SYTL5: variants seen among roughly 807,000 people sequenced by gnomAD.
SYTL5 encodes the protein synaptotagmin like 5.
In SYTL5, 34 loss-of-function variants were observed where a neutral mutation model predicts 55.9. That is an observed-to-expected ratio of 0.61 (90% CI 0.46 to 0.81). The LOEUF (loss-of-function observed/expected upper bound fraction) is 0.81. Among genes scored for constraint, SYTL5 ranks in the 30% least tolerant of loss-of-function variants. SYTL5 has a pLI of 0.00. For synonymous variants in SYTL5, 221 were observed against 188.7 expected, an observed-to-expected ratio of 1.17 and a Z score of -1.40; for missense variants, 637 against 546.7, an observed-to-expected ratio of 1.17 and a Z score of -1.65.
At chrX:38,073,495 T>C (rs890024027) in intron 4 of SYTL5, 95 bp from the exon 5 acceptor site, 2 of 626,392 alleles carry the variant, frequency 3.2e-6, no homozygotes, top group Admixed American at 3.4e-5. Flanking sequence ...TTCCTTGCCC[T>C]GAGCTAATCT....
At chrX:38,069,676 A>G (rs2147386453) in intron 3 of SYTL5, among the ~76,000 whole-genome samples, 1 of 112,214 alleles carries the variant, frequency 8.9e-6, no homozygotes, top group African/African-American at 3.2e-5. Context: ...CTTTGGGCCC[A>G]TGTGGATAAT....
chrX:38,026,680 C>T lies in SYTL5; in HGVS notation c.-356-6854C>T, dbSNP rs565913678. On this transcript the variant is annotated intron_variant, in intron 1 of 16. Coordinates refer to ENST00000297875, the MANE Select transcript of SYTL5 (RefSeq NM_138780.3). The stretch of plus-strand genomic sequence containing the variant: ...GGGTAACTTTCTAATGTTGCCATGG[C>T]ATCTGTAAACTGTCATGGCACTGGT... 1.0e-3 allele frequency among the ~76,000 whole-genome samples: 112 copies of T among 111,889 alleles called. 1 individual carries two copies. In the South Asian group the frequency reaches 0.038, roughly 38 times the overall value.
At chrX:37,910,426 C>T in the SYTL5 span, among the ~76,000 whole-genome samples, 1 of 112,426 alleles carries the variant, frequency 8.9e-6, no homozygotes, top group Admixed American at 9.4e-5. Flanking sequence ...ATATTTAGAG[C>T]CCCTGAAGGC....
chrX:37,894,153 C>T, the SYTL5 span, among the ~76,000 whole-genome samples: 1 of 111,564 alleles, frequency 9.0e-6, no homozygotes, highest in Admixed American at 9.6e-5. Context: ...TTACTGTGTA[C>T]GTATATTTAT....
the SYTL5 span, among the ~76,000 whole-genome samples, chrX:37,895,450 TTCCTTCCC>T: frequency 1.2e-4 from 11 of 94,483 alleles, no homozygotes; most frequent in South Asian, 4.8e-4. Context: ...CCTTCCTTCC[TTCCTTCCC>T]TCCCTCCCTC....
At chrX:38,043,552 AACC>A (rs1158186967) in intron 2 of SYTL5, among the ~76,000 whole-genome samples, 1 of 103,917 alleles carries the variant, frequency 9.6e-6, no homozygotes, top group East Asian at 3.0e-4. Context: ...AAAATTAGAT[AACC>A]ATATAATATG....
At chrX:37,982,923 A>T in the SYTL5 span, among the ~76,000 whole-genome samples, 1 of 111,549 alleles carries the variant, frequency 9.0e-6, no homozygotes, top group Admixed American at 9.5e-5. Flanking sequence ...GACCATAAAA[A>T]TGGGGAAATA....
At chrX:37,940,594 A>G in the SYTL5 span, among the ~76,000 whole-genome samples, 14 of 63,817 alleles carry the variant, frequency 2.2e-4, no homozygotes, top group East Asian at 8.3e-3. Context: ...AGTTAGGGAT[A>G]GGTGTGTATG....
intron 9 of SYTL5, among the ~76,000 whole-genome samples, chrX:38,097,473 A>G (rs113546224): frequency 9.0e-6 from 1 of 111,049 alleles, no homozygotes; most frequent in Admixed American, 9.6e-5. Flanking sequence ...CATGAAAAAT[A>G]TTTTTCAAAA....
Position 38,071,966 on chromosome X carries a change from T to G in SYTL5, c.330-81T>G, listed in dbSNP as rs1936276464. 4 of 647,019 alleles carry G rather than the reference T, an allele frequency of 6.2e-6. 1 individual carries two copies. The South Asian group carries it at 1.1e-4, about 17-fold the overall frequency. 53.3% of individuals were successfully genotyped at this position (647,019 alleles called of 1,213,427 possible). ...AAACTTTATAAATAATTTGCTGTTT[T>G]CAGTTTATTAGGGATTTTTGAGAGT... On this transcript the variant is annotated intron_variant, in intron 3 of 16. Coordinates refer to ENST00000297875, the MANE Select transcript of SYTL5 (RefSeq NM_138780.3).
chrX:37,967,020 A>T, the SYTL5 span, among the ~76,000 whole-genome samples: 1 of 111,386 alleles, frequency 9.0e-6, no homozygotes, highest in African/African-American at 3.3e-5. Context: ...TTTGAAGAAT[A>T]GTTTTGCTGT....
chrX:37,926,429 C>A, the SYTL5 span, among the ~76,000 whole-genome samples: 1 of 110,142 alleles, frequency 9.1e-6, no homozygotes, highest in African/African-American at 3.3e-5. Flanking sequence ...TTCACAAGAG[C>A]AGGGGCTTTG....
chrX:37,990,757 A>G, the SYTL5 span: 18 of 1,109,110 alleles, frequency 1.6e-5, no homozygotes, highest in Non-Finnish European at 1.9e-5. Flanking sequence ...TACAATAGGC[A>G]GGACTAAGCA....
the SYTL5 span, among the ~76,000 whole-genome samples, chrX:37,966,905 T>A: frequency 5.3e-4 from 60 of 112,256 alleles, no homozygotes; most frequent in African/African-American, 1.9e-3. Flanking sequence ...TTTTGCTGTT[T>A]AGCAACCTTT....
chrX:38,015,333 A>G (rs1008116123), intron 1 of SYTL5, among the ~76,000 whole-genome samples: 1 of 112,535 alleles, frequency 8.9e-6, no homozygotes, highest in African/African-American at 3.2e-5. Flanking sequence ...TTCACATGAA[A>G]AAGTGCATGT....
chrX:37,927,649 G>T, the SYTL5 span, among the ~76,000 whole-genome samples: 1 of 110,426 alleles, frequency 9.1e-6, no homozygotes, highest in African/African-American at 3.3e-5. Context: ...GTGGTGGTGC[G>T]CACCTGTAGT....
At chrX:38,125,030 T>A (rs1001717755) in intron 15 of SYTL5, among the ~76,000 whole-genome samples, 1 of 111,764 alleles carries the variant, frequency 8.9e-6, no homozygotes, top group Admixed American at 9.5e-5. Flanking sequence ...CAAAAAGATT[T>A]GAAGCAAGGC....
At chrX:38,081,426 A>G (rs186993856) in intron 6 of SYTL5, among the ~76,000 whole-genome samples, 1,275 of 112,015 alleles carry the variant, frequency 0.011, 13 homozygotes, top group African/African-American at 0.038. Context: ...GTTGCAAAAA[A>G]AAAAGAACTT....
At chrX:37,920,127 C>T in the SYTL5 span, among the ~76,000 whole-genome samples, 333 of 111,285 alleles carry the variant, frequency 3.0e-3, 1 homozygote, top group African/African-American at 9.8e-3. Flanking sequence ...TGTGGATTTG[C>T]GCATTCAATC....
Sources: allele counts gnomAD v4.1 joint callset (sites outside exome capture counted in the v4.1 genomes callset), GRCh38; gene constraint gnomAD v4.1.1; transcripts MANE v1.5; gene names NCBI Gene and HGNC (gene_info 2026-07-23, HGNC 2026-07-21).